DNMBP: variants seen among roughly 807,000 people sequenced by gnomAD.
DNMBP encodes dynamin binding protein.
Under a neutral mutation model 150.0 loss-of-function variants are expected in DNMBP, and 87 were observed. That is an observed-to-expected ratio of 0.58 (90% confidence interval 0.49 to 0.69). DNMBP has a LOEUF of 0.69. Among genes scored for constraint, DNMBP ranks in the 30% least tolerant of loss-of-function variants. DNMBP has a pLI of 0.00. For synonymous variants in DNMBP, 711 were observed against 750.4 expected (o/e 0.95, Z 0.86); for missense variants, 1,774 against 1,949.0 (o/e 0.91, Z 1.69).
At chr10:100,002,410 T>C (rs1237394064) in intron 1 of DNMBP, among the ~76,000 whole-genome samples, 1 of 152,202 alleles carries the variant, frequency 6.6e-6, no homozygotes, top group Non-Finnish European at 1.5e-5. Context: ...CAGCTATCTA[T>C]GGCTCTACTG....
intron 15 of DNMBP, among the ~76,000 whole-genome samples, chr10:99,880,918 A>G (rs1340546097): frequency 6.6e-6 from 1 of 152,168 alleles, no homozygotes; most frequent in Non-Finnish European, 1.5e-5. Flanking sequence ...GCGAGACTTC[A>G]TCTCTATTTG....
intron 4 of DNMBP, among the ~76,000 whole-genome samples, chr10:99,933,188 C>G (rs940930685): frequency 1.3e-5 from 2 of 151,600 alleles, no homozygotes; most frequent in African/African-American, 4.9e-5. Flanking sequence ...CCCAGCTACT[C>G]AGGAGGCTGA....
intron 4 of DNMBP, among the ~76,000 whole-genome samples, chr10:99,947,498 G>A (rs919538273): frequency 3.3e-5 from 5 of 151,642 alleles, no homozygotes; most frequent in African/African-American, 1.2e-4. Context: ...CTTATAAGTG[G>A]GAGCTACACA....
intron 3 of DNMBP, among the ~76,000 whole-genome samples, chr10:99,961,261 C>CTTTTT (rs1564747539): frequency 1.5e-5 from 2 of 132,282 alleles, no homozygotes; most frequent in Non-Finnish European, 1.6e-5. Flanking sequence ...TATTTCTTCC[C>CTTTTT]TTTTTCTTTT....
intron 2 of DNMBP, among the ~76,000 whole-genome samples, chr10:99,970,393 T>C (rs546064499): frequency 6.6e-6 from 1 of 152,300 alleles, no homozygotes; most frequent in East Asian, 1.9e-4. Context: ...TGTGAACATA[T>C]ATCTTACAGA....
intron 4 of DNMBP, among the ~76,000 whole-genome samples, chr10:99,920,239 C>A (rs1183734494): frequency 6.6e-6 from 1 of 152,094 alleles, no homozygotes; most frequent in Admixed American, 6.5e-5. Context: ...CCACGCCTGG[C>A]TAATTTTGTA....
chr10:99,922,069 A>G (rs2040028683), intron 4 of DNMBP, among the ~76,000 whole-genome samples: 1 of 152,104 alleles, frequency 6.6e-6, no homozygotes, highest in Non-Finnish European at 1.5e-5. Context: ...GAATACAAAC[A>G]TGGATCTTCC....
chr10:99,948,342 G>C (rs1041941447), intron 4 of DNMBP, among the ~76,000 whole-genome samples: 23 of 152,066 alleles, frequency 1.5e-4, no homozygotes, highest in Admixed American at 9.8e-4. Context: ...TAAAATACAA[G>C]GTTATAATTT....
At chr10:99,948,788 C>A (rs1253219515) in intron 4 of DNMBP, among the ~76,000 whole-genome samples, 1 of 151,856 alleles carries the variant, frequency 6.6e-6, no homozygotes, top group African/African-American at 2.4e-5. Flanking sequence ...CATGGTGAAA[C>A]CCCATCTCTA....
intron 3 of DNMBP, 80 bp from the exon 4 acceptor site, chr10:99,957,285 A>C: frequency 4.0e-6 from 5 of 1,248,958 alleles, no homozygotes; most frequent in Non-Finnish European, 5.5e-6. Context: ...GCAACCTCTC[A>C]TTTTAAACAG....
chr10:100,004,545 T>A (rs538133713), intron 1 of DNMBP, among the ~76,000 whole-genome samples: 1 of 152,222 alleles, frequency 6.6e-6, no homozygotes, highest in East Asian at 1.9e-4. Context: ...CATAATTTCA[T>A]AGAGGAAAGC....
chr10:99,903,535 GT>G (rs1589408798), intron 6 of DNMBP, among the ~76,000 whole-genome samples: 2 of 151,886 alleles, frequency 1.3e-5, no homozygotes, highest in Non-Finnish European at 2.9e-5. Context: ...GTTTCACCTG[GT>G]TGGTCAGGCT....
At chr10:99,892,620 C>T (rs965590305) in intron 11 of DNMBP, among the ~76,000 whole-genome samples, 2 of 135,820 alleles carry the variant, frequency 1.5e-5, no homozygotes, top group African/African-American at 5.6e-5. Flanking sequence ...ACAAACACTG[C>T]GGAAGGCCGC....
In DNMBP at chr10:99,898,086, C is replaced by T. The variant is rs754278120; in HGVS notation, c.2920G>A (p.Val974Ile). Residue 974 changes from valine to isoleucine, a missense_variant and splice_region_variant, in exon 9 of 17, where the codon GTC (valine) becomes ATC (isoleucine). By Grantham distance (29) the Val-to-Ile change is conservative. Transcript: ENST00000324109. ...TTTTCAGCAATTATGCTGTTCTTAC[C>T]CAGGTCCTTTCGCCGTTTATATTCA... ...INEYKRRKDL[V>I]LKYRKGDEDS... The T allele has an allele frequency of 6.2e-7, 1 of 1,613,362 alleles. No individual in the cohort carries two copies. The highest frequency in any genetic ancestry group is 1.3e-5 in the African/African-American group (1 of 74,880).
At chr10:99,935,201 G>A (rs2040215208) in intron 4 of DNMBP, among the ~76,000 whole-genome samples, 1 of 151,570 alleles carries the variant, frequency 6.6e-6, no homozygotes, top group African/African-American at 2.4e-5. Context: ...AAAGCAGAAT[G>A]TAATGAATTT....
intron 3 of DNMBP, among the ~76,000 whole-genome samples, chr10:99,959,465 C>T (rs532348827): frequency 2.0e-5 from 3 of 151,744 alleles, no homozygotes; most frequent in African/African-American, 7.3e-5. Flanking sequence ...CCAGCCTGGG[C>T]GACAGAGAAA....
intron 9 of DNMBP, 167 bp from the exon 10 acceptor site, chr10:99,896,564 A>G: frequency 1.5e-6 from 1 of 674,546 alleles, no homozygotes; most frequent in South Asian, 1.9e-5. Context: ...TCTGAAGCAC[A>G]GCAGAGAGAC....
In DNMBP at chr10:99,976,591, A is replaced by G. The variant is rs147661918; in HGVS notation, c.-10-4457T>C. 8.5e-5 allele frequency among the ~76,000 whole-genome samples: 13 copies of G among 152,338 alleles called. No homozygotes were observed. In the East Asian group the frequency reaches 2.5e-3, roughly 29 times the overall value. On this transcript the variant is annotated intron_variant, in intron 1 of 16. Coordinates refer to ENST00000324109, the MANE Select transcript of DNMBP (RefSeq NM_015221.4). ...ATTATGTAAAGTTCCTAGATAAATAAAAGTAAACAAGCTCTAAATGCGAGG... is the reference window on the plus strand; with the variant it reads ...ATTATGTAAAGTTCCTAGATAAATAGAAGTAAACAAGCTCTAAATGCGAGG...
chr10:99,927,304 G>A (rs908710389), intron 4 of DNMBP: 9 of 152,274 alleles, frequency 5.9e-5, no homozygotes, highest in Non-Finnish European at 1.2e-4. Flanking sequence ...TGACAGGTGG[G>A]TGGCGCAACT....
Sources: allele counts gnomAD v4.1 joint callset (sites outside exome capture counted in the v4.1 genomes callset), GRCh38; gene constraint gnomAD v4.1.1; transcripts MANE v1.5; gene names NCBI Gene and HGNC (gene_info 2026-07-23, HGNC 2026-07-21).